ATP5F1A: variants seen among roughly 807,000 people sequenced by gnomAD.
The protein encoded by ATP5F1A is ATP synthase F(1) complex subunit alpha, mitochondrial.
A neutral mutation model predicts 57.4 loss-of-function variants in ATP5F1A; 24 were observed. The observed-to-expected ratio is 0.42, with a 90% CI of 0.30 to 0.59. The LOEUF is 0.59. Among genes scored for constraint, ATP5F1A ranks in the 20% least tolerant of loss-of-function variants. ATP5F1A has a pLI of 0.19. For synonymous variants in ATP5F1A, 251 were observed against 255.5 expected, an observed-to-expected ratio of 0.98 and a Z score of 0.17; for missense variants, 494 against 707.9, an observed-to-expected ratio of 0.70 and a Z score of 3.43.
chr18:46,097,806 A>G, intron 1 of ATP5F1A: 10 of 1,072,040 alleles, frequency 9.3e-6, no homozygotes, highest in Non-Finnish European at 1.1e-5. Flanking sequence ...GCGGGACGCG[A>G]CCCTAAGAAT....
chr18:46,104,027 G>A (rs1911373339), intron 1 of ATP5F1A: 1 of 203,494 alleles, frequency 4.9e-6, no homozygotes, highest in South Asian at 1.9e-4. Flanking sequence ...TGCAATCAAT[G>A]TGGAAGAAAC....
Position 46,084,150 on chromosome 18 carries a change from G to GCATTATGGA in ATP5F1A, c.*123_*131dup, listed in dbSNP as rs1320780390. The GCATTATGGA allele has an allele frequency of 1.4e-6, 1 of 691,534 alleles. No individual in the cohort carries two copies. Among genetic ancestry groups the GCATTATGGA allele is most frequent in the Non-Finnish European group, 2.3e-6 (1 of 435,208 alleles). The allele number at this position is 691,534 out of a possible 1,614,324, so 42.8% of individuals were successfully genotyped here. The stretch of plus-strand genomic sequence containing the variant: ...AACACAAATGACAGAAAACAACTAT[G>GCATTATGGA]CATTATGGAACCTTTATTTTTCATG... On this transcript the variant is annotated 3_prime_UTR_variant, in exon 12 of 12. Transcript: ENST00000398752.
Position 46,087,406 on chromosome 18 carries a change from T to G in ATP5F1A, c.886A>C (p.Met296Leu), listed in dbSNP as rs77926733. ...QYLAPYSGCS[M>L]GEYFRDNGKH... ...CCATTGTCTCTAAAATACTCTCCCATGGAACAGCCAGAGTAAGGAGCCAGG... is the reference window on the plus strand; with the variant it reads ...CCATTGTCTCTAAAATACTCTCCCAGGGAACAGCCAGAGTAAGGAGCCAGG... The change falls in exon 7 of 12, where the codon ATG (methionine) becomes CTG (leucine). Residue 296 changes from methionine (M) to leucine (L), a missense_variant. By Grantham distance (15) the Met-to-Leu change is conservative. This residue lies in a region of ATP5F1A where 191 missense variants were observed against 267.7 expected (regional missense o/e 0.71). Transcript: ENST00000398752. 6.2e-7 allele frequency: 1 copy of G among 1,614,110 alleles called. No homozygotes were observed. Among genetic ancestry groups the G allele is most frequent in the Non-Finnish European group, 8.5e-7 (1 of 1,180,018 alleles).
At chr18:46,086,962 T>A (rs745893611) in intron 8 of ATP5F1A, 46 bp downstream of exon 8, 5 of 1,588,424 alleles carry the variant, frequency 3.1e-6, no homozygotes, top group Admixed American at 3.4e-5. Flanking sequence ...TGCCTTAGAA[T>A]TATCCAAATC....
intron 8 of ATP5F1A, 100 bp from the exon 9 acceptor site, chr18:46,086,594 A>C: frequency 1.8e-6 from 2 of 1,134,982 alleles, no homozygotes; most frequent in Non-Finnish European, 2.5e-6. Flanking sequence ...CTCAAAACCT[A>C]ACAATGCAAA....
At chr18:46,092,610 AC>A (rs1430765816) in intron 2 of ATP5F1A, among the ~76,000 whole-genome samples, 1 of 103,270 alleles carries the variant, frequency 9.7e-6, no homozygotes. Context: ...TATCACACAC[AC>A]AAAAATTATA....
At chr18:46,095,482 A>AT (rs1401681060) in intron 1 of ATP5F1A, among the ~76,000 whole-genome samples, 2 of 150,682 alleles carry the variant, frequency 1.3e-5, no homozygotes, top group Non-Finnish European at 3.0e-5. Flanking sequence ...CACCAGGTTA[A>AT]TTTTTTATAT....
In ATP5F1A at chr18:46,088,291, A is replaced by G. The variant is rs111615234; in HGVS notation, c.651-34T>C. The G allele has an allele frequency of 2.9e-4, 454 of 1,539,286 alleles. 4 individuals carry two copies. In the African/African-American group the frequency reaches 5.4e-3, roughly 18 times the overall value. Reference sequence around the variant, plus strand: ...AGAGAAAGTAAATATAAATCTTCCTAAACTTAAAAGGACTTCCCTGTGGGG... The same window carrying G: ...AGAGAAAGTAAATATAAATCTTCCTGAACTTAAAAGGACTTCCCTGTGGGG... On this transcript the variant is annotated intron_variant, in intron 5 of 11. Transcript: ENST00000398752.
chr18:46,095,598 T>A (rs1019370961), intron 1 of ATP5F1A, among the ~76,000 whole-genome samples: 2 of 151,858 alleles, frequency 1.3e-5, no homozygotes, highest in Middle Eastern at 3.2e-3. Flanking sequence ...ACTATAGGCG[T>A]GAGCACCGCA....
chr18:46,094,317 G>A (rs1188265260), intron 2 of ATP5F1A, among the ~76,000 whole-genome samples: 10 of 152,116 alleles, frequency 6.6e-5, no homozygotes, highest in Non-Finnish European at 1.3e-4. Flanking sequence ...TACTGCATCT[G>A]TAATGTGCAA....
upstream of ATP5F1A, chr18:46,098,429 C>T (rs1373710798): frequency 2.2e-6 from 3 of 1,345,654 alleles, no homozygotes; most frequent in Non-Finnish European, 2.9e-6. Flanking sequence ...TTTTATGTAA[C>T]ATTTTTAAGT....
Position 46,098,295 on chromosome 18 carries a change from T to G in ATP5F1A, c.-64A>C. On this transcript the variant is annotated 5_prime_UTR_variant, in exon 1 of 12. Coordinates refer to ENST00000398752, the MANE Select transcript of ATP5F1A (RefSeq NM_004046.6). ...AGCCTCCGGACTGACTGGGACAAAA[T>G]GGCCGAGCCGCAAAGAAGGTCAAGA... is the stretch of plus-strand genomic sequence containing the variant. 3.8e-5 allele frequency: 57 copies of G among 1,514,396 alleles called. No homozygotes were observed. The highest frequency in any genetic ancestry group is 2.7e-4 in the East Asian group (11 of 40,934). The allele number at this position is 1,514,396 out of a possible 1,614,324, so 93.8% of individuals were successfully genotyped here.
In ATP5F1A at chr18:46,084,512, G is replaced by A. The variant is rs770356759; in HGVS notation, c.1572C>T (p.Gly524=). 1.9e-6 allele frequency: 3 copies of A among 1,595,676 alleles called. No homozygotes were observed. Among genetic ancestry groups the A allele is most frequent in the South Asian group, 2.3e-5 (2 of 87,036 alleles). ...AACAATTGCATTCATACCTGATAGT[G>A]CCCAACAAGGCTTGGTGCTGGCTGA... ...HVVSQHQALL[G]TIRADGKISE... The change falls in exon 11 of 12, where the codon GGC becomes GGT. Residue 524 remains glycine, a synonymous_variant. Transcript: ENST00000398752.
At chr18:46,096,191 G>C (rs1051426003) in intron 1 of ATP5F1A, among the ~76,000 whole-genome samples, 6 of 152,036 alleles carry the variant, frequency 3.9e-5, no homozygotes, top group Non-Finnish European at 7.4e-5. Context: ...ACCCGGCCTG[G>C]CAGTCAGTAT....
At chr18:46,084,441 A>G in intron 11 of ATP5F1A, 63 bp downstream of exon 11, 4 of 1,575,942 alleles carry the variant, frequency 2.5e-6, no homozygotes, top group Non-Finnish European at 3.4e-6. Context: ...AGATTTGAAA[A>G]TAATTTTAAC....
At chr18:46,094,111 AAAAAAAG>A in intron 2 of ATP5F1A, among the ~76,000 whole-genome samples, 1 of 152,142 alleles carries the variant, frequency 6.6e-6, no homozygotes, top group South Asian at 2.1e-4. Flanking sequence ...CCATCTCAAA[AAAAAAAG>A]AAAAAAGAAA....
At chr18:46,101,112 C>T (rs1176998762), upstream of ATP5F1A, among the ~76,000 whole-genome samples, 1 of 152,092 alleles carries the variant, frequency 6.6e-6, no homozygotes, top group Non-Finnish European at 1.5e-5. Flanking sequence ...TTATAGCGGG[C>T]AGTTTCAGCA....
Position 46,089,847 on chromosome 18 carries a change from G to A in ATP5F1A, c.459C>T (p.Ala153=), listed in dbSNP as rs1019553202. ...GEELLGRVVD[A]LGNAIDGKGP... ...CCTTTCCATCAATAGCATTACCAAGGGCATCAACTACACGACCCAACAGCT... is the reference window on the plus strand; with the variant it reads ...CCTTTCCATCAATAGCATTACCAAGAGCATCAACTACACGACCCAACAGCT... The change falls in exon 4 of 12, where the codon GCC becomes GCT. Residue 153 remains alanine (A), a synonymous_variant. Coordinates refer to ENST00000398752, the MANE Select transcript of ATP5F1A (RefSeq NM_004046.6). The A allele has an allele frequency of 1.9e-6, 3 of 1,612,092 alleles. No individual in the cohort carries two copies. In the Admixed American group the frequency reaches 5.0e-5, roughly 27 times the overall value.
At chr18:46,091,652 A>G (rs891497411) in intron 3 of ATP5F1A, 30 bp downstream of exon 3, 3 of 1,544,832 alleles carry the variant, frequency 1.9e-6, no homozygotes, top group African/African-American at 2.8e-5. Context: ...CTTAGATCCT[A>G]AAACACCAAA....
Sources: allele counts gnomAD v4.1 joint callset (sites outside exome capture counted in the v4.1 genomes callset), GRCh38; gene constraint gnomAD v4.1.1; regional missense constraint gnomAD v4.1.1; transcripts MANE v1.5; gene names NCBI Gene and HGNC (gene_info 2026-07-23, HGNC 2026-07-21).